PRKCE: variants seen among roughly 807,000 people sequenced by gnomAD.
PRKCE encodes the protein protein kinase C epsilon.
A neutral mutation model predicts 85.4 loss-of-function variants in PRKCE; 16 were observed. The observed-to-expected ratio is 0.19, with a 90% CI of 0.13 to 0.28. The LOEUF is 0.28. PRKCE is among the 10% of genes least tolerant of loss of function. The pLI, the probability that PRKCE is intolerant of heterozygous loss-of-function variation, is 1.00. For missense variants in PRKCE, 573 were observed against 975.2 expected, an observed-to-expected ratio of 0.59 and a Z score of 5.49; for synonymous variants, 388 against 371.5, an observed-to-expected ratio of 1.04 and a Z score of -0.51.
chr2:46,075,293 C>T (rs1668462090), intron 10 of PRKCE, among the ~76,000 whole-genome samples: 1 of 152,012 alleles, frequency 6.6e-6, no homozygotes, highest in African/African-American at 2.4e-5. Flanking sequence ...ACCTCGGCCT[C>T]CCAAAGTGCT....
At chr2:46,136,421 T>C (rs1231381897) in intron 11 of PRKCE, among the ~76,000 whole-genome samples, 1 of 152,120 alleles carries the variant, frequency 6.6e-6, no homozygotes, top group Non-Finnish European at 1.5e-5. Context: ...TATAGAAAAA[T>C]ACAATTTTCC....
chr2:45,911,761 T>C (rs576781611), intron 2 of PRKCE, among the ~76,000 whole-genome samples: 2 of 152,326 alleles, frequency 1.3e-5, no homozygotes, highest in South Asian at 4.1e-4. Context: ...TTTAGTTCTA[T>C]ACTGCCACTT....
intron 10 of PRKCE, among the ~76,000 whole-genome samples, chr2:46,018,328 T>G (rs1362970454): frequency 1.3e-5 from 2 of 151,936 alleles, no homozygotes; most frequent in Admixed American, 6.6e-5. Context: ...AACACAGGTG[T>G]GGGGAAAGGT....
chr2:45,878,075 A>G (rs1694608975), intron 2 of PRKCE, among the ~76,000 whole-genome samples: 1 of 152,328 alleles, frequency 6.6e-6, no homozygotes, highest in African/African-American at 2.4e-5. Flanking sequence ...TTTGAGACTG[A>G]GCTCCCATCT....
chr2:45,796,531 G>A (rs1445520659), intron 1 of PRKCE, among the ~76,000 whole-genome samples: 1 of 152,078 alleles, frequency 6.6e-6, no homozygotes, highest in Non-Finnish European at 1.5e-5. Flanking sequence ...TTCTTGAGAG[G>A]TGGCACTGTC....
At position 45,788,570 on chromosome 2, in the gene PRKCE, A is replaced by AT. The variant is rs369731951; in HGVS notation, c.349-54428dup. ...TCTCATCCTTTCTACCTACCCCTCC[A>AT]TTGCCTCTAATTTACTTGATTCTGA... is the stretch of plus-strand genomic sequence containing the variant. On this transcript the variant is annotated intron_variant, in intron 1 of 14. Transcript: ENST00000306156. Among the ~76,000 whole-genome samples, 867 of 152,162 alleles carry AT rather than the reference A, an allele frequency of 5.7e-3. 2 individuals carry two copies. Among genetic ancestry groups the AT allele is most frequent in the Non-Finnish European group, 9.9e-3 (670 of 67,996 alleles).
chr2:45,849,771 C>A (rs1185968168), intron 2 of PRKCE, among the ~76,000 whole-genome samples: 2 of 152,126 alleles, frequency 1.3e-5, no homozygotes, highest in African/African-American at 2.4e-5. Flanking sequence ...CAATATGCAC[C>A]CCACGTTACC....
intron 2 of PRKCE, among the ~76,000 whole-genome samples, chr2:45,946,769 A>G (rs1403934610): frequency 6.6e-6 from 1 of 152,238 alleles, no homozygotes; most frequent in African/African-American, 2.4e-5. Flanking sequence ...GAAAGAAAGT[A>G]TCAATAAACA....
intron 1 of PRKCE, among the ~76,000 whole-genome samples, chr2:45,700,833 G>A (rs918182900): frequency 1.5e-4 from 23 of 152,206 alleles, no homozygotes; most frequent in South Asian, 1.4e-3. Flanking sequence ...AAATTCAGAT[G>A]CAGAGGCAGA....
intron 2 of PRKCE, among the ~76,000 whole-genome samples, chr2:45,865,815 CT>C (rs36102606): frequency 2.2e-3 from 289 of 133,674 alleles, no homozygotes; most frequent in Middle Eastern, 7.4e-3. Flanking sequence ...TCTTCTTCTT[CT>C]TTTTTTTTTT....
chr2:45,831,868 A>G (rs1046748006), intron 1 of PRKCE, among the ~76,000 whole-genome samples: 2 of 152,222 alleles, frequency 1.3e-5, no homozygotes, highest in Non-Finnish European at 2.9e-5. Flanking sequence ...ACTTTTGGCT[A>G]TATTTTAATA....
Position 46,166,375 on chromosome 2 carries a change from C to A in PRKCE, c.2067+6623C>A, listed in dbSNP as rs751969799. Among the ~76,000 whole-genome samples, 94 of 152,376 alleles carry A rather than the reference C, an allele frequency of 6.2e-4. 1 individual carries two copies. The highest frequency in any genetic ancestry group is 1.2e-3 in the Non-Finnish European group (81 of 68,042). Reference sequence around the variant, plus strand: ...TTCTGCAGCCCCTCACGAGGACATCCCCCTGGACTGTGTCCACCACATCCA... The same window carrying A: ...TTCTGCAGCCCCTCACGAGGACATCACCCTGGACTGTGTCCACCACATCCA... On this transcript the variant is annotated intron_variant, in intron 14 of 14. Transcript: ENST00000306156.
intron 1 of PRKCE, among the ~76,000 whole-genome samples, chr2:45,780,645 G>T (rs1238384686): frequency 6.6e-6 from 1 of 152,176 alleles, no homozygotes; most frequent in South Asian, 2.1e-4. Context: ...CCTCTGTAGG[G>T]TTGGCCTCAG....
chr2:45,736,950 A>G (rs1255457611), intron 1 of PRKCE, among the ~76,000 whole-genome samples: 1 of 152,206 alleles, frequency 6.6e-6, no homozygotes, highest in Non-Finnish European at 1.5e-5. Flanking sequence ...GAAAATGGGA[A>G]TGACTGGGGG....
intron 10 of PRKCE, among the ~76,000 whole-genome samples, chr2:46,063,192 A>C (rs1199323847): frequency 6.6e-6 from 1 of 152,158 alleles, no homozygotes; most frequent in African/African-American, 2.4e-5. Context: ...ACTGGTTATT[A>C]TGTTCCGTTG....
chr2:46,058,924 C>A (rs1666858418), intron 10 of PRKCE, among the ~76,000 whole-genome samples: 2 of 152,208 alleles, frequency 1.3e-5, no homozygotes, highest in Admixed American at 1.3e-4. Flanking sequence ...TCTCAAACTC[C>A]TGGGCTCAAG....
chr2:45,818,555 C>G (rs184686892), intron 1 of PRKCE, among the ~76,000 whole-genome samples: 1 of 152,212 alleles, frequency 6.6e-6, no homozygotes, highest in Admixed American at 6.5e-5. Context: ...GTTCAACTTA[C>G]ACTTTGAGAT....
intron 11 of PRKCE, among the ~76,000 whole-genome samples, chr2:46,105,930 G>A (rs907490149): frequency 1.3e-5 from 2 of 152,100 alleles, no homozygotes; most frequent in Non-Finnish European, 2.9e-5. Context: ...GTTTGCATAA[G>A]TTTTGATAAA....
rs143706669 is a variant in PRKCE, at chr2:46,122,017, C to T, written c.1593-23076C>T. Among the ~76,000 whole-genome samples, 12 of 152,044 alleles carry T rather than the reference C, an allele frequency of 7.9e-5. 1 individual carries two copies. Among genetic ancestry groups the T allele is most frequent in the Admixed American group, 6.6e-4 (10 of 15,264 alleles). ...CATTGAGATATAATAGGCCTACAGTCGAGTGCACAGTTCTTAGATATTAAT... is the reference window on the plus strand; with the variant it reads ...CATTGAGATATAATAGGCCTACAGTTGAGTGCACAGTTCTTAGATATTAAT... On this transcript the variant is annotated intron_variant, in intron 11 of 14. Coordinates refer to ENST00000306156, the MANE Select transcript of PRKCE (RefSeq NM_005400.3).
Sources: allele counts gnomAD v4.1 joint callset (sites outside exome capture counted in the v4.1 genomes callset), GRCh38; gene constraint gnomAD v4.1.1; transcripts MANE v1.5; gene names NCBI Gene and HGNC (gene_info 2026-07-23, HGNC 2026-07-21).